The following PPFIBP2 variants were observed in gnomAD, a reference collection of about 807,000 sequenced individuals.
The protein encoded by PPFIBP2 is liprin-beta-2.
In PPFIBP2, 118 loss-of-function variants were observed where a neutral mutation model predicts 118.3. The observed-to-expected ratio is 1.00, with a 90% confidence interval of 0.86 to 1.16. PPFIBP2 has a LOEUF of 1.16. Ranked by LOEUF, PPFIBP2 falls within the 50% of genes most tolerant of loss-of-function variation. The probability of loss-of-function intolerance (pLI) is 0.00; values close to 1 mark genes in which losing one functional copy is unlikely to be tolerated. For missense variants in PPFIBP2, 1,195 were observed against 1,073.1 expected, an observed-to-expected ratio of 1.11 and a Z score of -1.59; for synonymous variants, 414 against 397.4, an observed-to-expected ratio of 1.04 and a Z score of -0.50.
chr11:7,663,116 AT>A, the PPFIBP2 span, among the ~76,000 whole-genome samples: 1 of 129,648 alleles, frequency 7.7e-6, no homozygotes, highest in Admixed American at 8.0e-5. Context: ...GCTCAGAGTA[AT>A]TTGATCGTCT....
At chr11:7,514,501 C>T (rs1849059674) in intron 1 of PPFIBP2, among the ~76,000 whole-genome samples, 2 of 152,324 alleles carry the variant, frequency 1.3e-5, no homozygotes, top group South Asian at 2.1e-4. Flanking sequence ...GCGGCGTGGA[C>T]TAGGGAGCCT....
intron 1 of PPFIBP2, among the ~76,000 whole-genome samples, chr11:7,531,287 C>T (rs1459160366): frequency 1.3e-5 from 2 of 152,208 alleles, no homozygotes; most frequent in African/African-American, 2.4e-5. Context: ...AACCCTTCCC[C>T]TGCCTCCCCA....
chr11:7,660,233 C>G (rs1348370180), downstream of PPFIBP2, among the ~76,000 whole-genome samples: 7 of 127,048 alleles, frequency 5.5e-5, 1 homozygote, highest in Non-Finnish European at 1.3e-4. Flanking sequence ...TGCCCGTTTT[C>G]AAAGGGAATG....
intron 1 of PPFIBP2, among the ~76,000 whole-genome samples, chr11:7,520,365 T>A (rs7481382): frequency 6.6e-6 from 1 of 152,170 alleles, no homozygotes; most frequent in African/African-American, 2.4e-5. Context: ...CTTTTGCTGT[T>A]TTGCCGACGC....
At chr11:7,533,310 A>G (rs1216890923) in intron 1 of PPFIBP2, among the ~76,000 whole-genome samples, 2 of 152,248 alleles carry the variant, frequency 1.3e-5, no homozygotes, top group East Asian at 1.9e-4. Flanking sequence ...ATAGCCCCCA[A>G]TCCTTCTTTC....
At chr11:7,636,492 C>G (rs1221098544) in intron 14 of PPFIBP2, among the ~76,000 whole-genome samples, 1 of 152,134 alleles carries the variant, frequency 6.6e-6, no homozygotes, top group Admixed American at 6.5e-5. Context: ...GCAACACAGT[C>G]CCTTGAGCCT....
chr11:7,590,414 A>G (rs1490058281), intron 3 of PPFIBP2, among the ~76,000 whole-genome samples: 7 of 152,014 alleles, frequency 4.6e-5, no homozygotes, highest in African/African-American at 7.3e-5. Flanking sequence ...AGGAAGATGC[A>G]CTGTTCCTCT....
chr11:7,615,549 G>C (rs1182760203), intron 6 of PPFIBP2, among the ~76,000 whole-genome samples: 1 of 152,196 alleles, frequency 6.6e-6, no homozygotes, highest in African/African-American at 2.4e-5. Context: ...GGGCAGTAAT[G>C]GAGGGAGGGG....
intron 6 of PPFIBP2, among the ~76,000 whole-genome samples, chr11:7,611,979 A>T (rs563348694): frequency 1.3e-5 from 2 of 152,262 alleles, no homozygotes; most frequent in East Asian, 1.9e-4. Flanking sequence ...GTATGTGAAC[A>T]TACATTAGGA....
intron 11 of PPFIBP2, chr11:7,631,240 C>T: frequency 1.9e-6 from 1 of 517,340 alleles, no homozygotes; most frequent in Non-Finnish European, 3.5e-6. Flanking sequence ...ATGGTGGATA[C>T]TGGAACTTTC....
intron 3 of PPFIBP2, among the ~76,000 whole-genome samples, chr11:7,589,311 A>C (rs994642868): frequency 6.6e-6 from 1 of 152,144 alleles, no homozygotes; most frequent in Non-Finnish European, 1.5e-5. Flanking sequence ...ATTAGCATGT[A>C]GGCCAGGCAC....
intron 17 of PPFIBP2, among the ~76,000 whole-genome samples, chr11:7,644,584 T>C (rs984103570): frequency 1.3e-5 from 2 of 152,090 alleles, no homozygotes; most frequent in Non-Finnish European, 2.9e-5. Context: ...TTTTGTTTCC[T>C]TTTCCTACAC....
chr11:7,642,165 T>G (rs1165726574), intron 16 of PPFIBP2, 133 bp from the exon 17 acceptor site: 13 of 1,050,148 alleles, frequency 1.2e-5, no homozygotes, highest in Non-Finnish European at 1.8e-5. Flanking sequence ...CCTTGATCTC[T>G]GGGAAGGTAC....
intron 1 of PPFIBP2, among the ~76,000 whole-genome samples, chr11:7,544,706 G>A (rs1459180226): frequency 6.0e-5 from 9 of 150,778 alleles, no homozygotes; most frequent in Non-Finnish European, 1.0e-4. Flanking sequence ...CCCGGGAGGC[G>A]GAGGTTGCAG....
chr11:7,562,972 T>TACACACACAC (rs1310851323), intron 2 of PPFIBP2, among the ~76,000 whole-genome samples: 1 of 92,622 alleles, frequency 1.1e-5, no homozygotes, highest in Admixed American at 1.0e-4. Context: ...TATATATATA[T>TACACACACAC]ATATACACGC....
intron 3 of PPFIBP2, among the ~76,000 whole-genome samples, chr11:7,587,224 A>G (rs1858373714): frequency 6.6e-6 from 1 of 152,144 alleles, no homozygotes; most frequent in Non-Finnish European, 1.5e-5. Context: ...ATCCTAGTAC[A>G]TCCCACACAG....
intron 5 of PPFIBP2, among the ~76,000 whole-genome samples, chr11:7,607,960 T>C (rs553025483): frequency 2.0e-5 from 3 of 152,222 alleles, no homozygotes; most frequent in Admixed American, 6.5e-5. Flanking sequence ...AATGAGGTAA[T>C]AAAGAAAGAG....
chr11:7,554,514 C>G (rs10743026), intron 2 of PPFIBP2, among the ~76,000 whole-genome samples: 40,062 of 151,980 alleles, frequency 0.26, 5,586 homozygotes, highest in African/African-American at 0.35. Context: ...CCTGCATCAA[C>G]TAAAACAGTG....
intron 2 of PPFIBP2, 89 bp downstream of exon 2, chr11:7,549,628 C>A: frequency 9.0e-7 from 1 of 1,108,886 alleles, no homozygotes; most frequent in Non-Finnish European, 1.2e-6. Flanking sequence ...TTTTTTTTGG[C>A]ATAGAGAAAA....
Sources: gnomAD v4.1 joint callset for allele counts (sites outside exome capture counted in the v4.1 genomes callset) on GRCh38, gnomAD v4.1.1 for gene constraint, MANE v1.5 for transcripts, NCBI Gene and HGNC (gene_info 2026-07-23, HGNC 2026-07-21) for gene names.